Variants in DTL observed in about 807,000 individuals in gnomAD.
The protein encoded by DTL is denticleless protein homolog.
Under a neutral mutation model 87.0 loss-of-function variants are expected in DTL, and 46 were observed. The ratio of observed to expected loss-of-function variants is 0.53; its 90% confidence interval spans 0.42 to 0.68. The LOEUF is 0.68. Ranked by LOEUF, DTL falls within the 30% of genes least tolerant of loss-of-function variation. The probability of loss-of-function intolerance (pLI) is 0.00; values close to 1 mark genes in which losing one functional copy is unlikely to be tolerated. For synonymous variants in DTL, 308 were observed against 311.2 expected (o/e 0.99, Z 0.11); for missense variants, 737 against 869.4 (o/e 0.85, Z 1.91).
intron 9 of DTL, 62 bp from the exon 10 acceptor site, chr1:212,068,537 A>G (rs1654578305): frequency 1.8e-6 from 2 of 1,125,708 alleles, no homozygotes; most frequent in Non-Finnish European, 2.7e-6. Flanking sequence ...TTGTCTCTAC[A>G]TTTTAACCTC....
chr1:212,093,075 A>G (rs929704603), intron 13 of DTL, among the ~76,000 whole-genome samples: 7 of 151,952 alleles, frequency 4.6e-5, no homozygotes, highest in Non-Finnish European at 1.0e-4. Context: ...TCCTTAGCCC[A>G]CTTTTTGATG....
At chr1:212,090,165 ATTATCC>A (rs1403556578) in intron 13 of DTL, among the ~76,000 whole-genome samples, 1 of 152,222 alleles carries the variant, frequency 6.6e-6, no homozygotes, top group African/African-American at 2.4e-5. Context: ...TTTTTCAGTA[ATTATCC>A]TTATTAAAAG....
chr1:212,046,729 T>G (rs1482538850), intron 3 of DTL, among the ~76,000 whole-genome samples: 2 of 152,244 alleles, frequency 1.3e-5, no homozygotes, highest in African/African-American at 4.8e-5. Context: ...TTTGCCATTG[T>G]GAATAATGCT....
At chr1:212,093,451 G>T (rs1655346701) in intron 13 of DTL, among the ~76,000 whole-genome samples, 4 of 152,326 alleles carry the variant, frequency 2.6e-5, no homozygotes, top group Admixed American at 2.0e-4. Context: ...ATGTGGGCTT[G>T]GAGAATTTGA....
intron 14 of DTL, among the ~76,000 whole-genome samples, chr1:212,101,692 A>G (rs1168214097): frequency 2.0e-5 from 3 of 152,270 alleles, no homozygotes; most frequent in East Asian, 3.9e-4. Flanking sequence ...TTTGACACCT[A>G]TATCTATTCT....
chr1:212,058,568 A>C (rs760807601), intron 5 of DTL, among the ~76,000 whole-genome samples: 8 of 152,152 alleles, frequency 5.3e-5, no homozygotes, highest in Non-Finnish European at 1.0e-4. Flanking sequence ...AGGAAAGTTT[A>C]TAGCAATACA....
Position 212,080,492 on chromosome 1 carries a change from C to T in DTL, c.1126-123C>T, listed in dbSNP as rs937436092. On this transcript the variant is annotated intron_variant, in intron 12 of 14. Coordinates refer to ENST00000366991, the MANE Select transcript of DTL (RefSeq NM_016448.4). ...TACATGATCTTTAAGATATTATTTT[C>T]TATATCCTGTTTATTAGACAAAATA... is the stretch of plus-strand genomic sequence containing the variant. The T allele has an allele frequency of 3.5e-6, 3 of 864,788 alleles. No homozygotes were observed. The Admixed American group carries it at 7.3e-5, about 21-fold the overall frequency. 53.6% of individuals were successfully genotyped at this position (864,788 alleles called of 1,614,324 possible).
At chr1:212,079,521 A>G (rs1264308244) in intron 12 of DTL, among the ~76,000 whole-genome samples, 1 of 152,138 alleles carries the variant, frequency 6.6e-6, no homozygotes, top group Admixed American at 6.5e-5. Context: ...TGTGTTTTTA[A>G]TGTCTGGCAT....
chr1:212,096,370 A>T (rs940520456), intron 13 of DTL, among the ~76,000 whole-genome samples: 2 of 152,004 alleles, frequency 1.3e-5, no homozygotes, highest in African/African-American at 4.8e-5. Context: ...TTTCATTTTT[A>T]TTAAGTTCTA....
intron 5 of DTL, among the ~76,000 whole-genome samples, chr1:212,049,378 C>T (rs1667897590): frequency 6.6e-6 from 1 of 152,220 alleles, no homozygotes; most frequent in Admixed American, 6.5e-5. Context: ...GTTTTCTACA[C>T]TCTTGTGTCA....
chr1:212,088,764 G>A (rs1258412697), intron 13 of DTL, among the ~76,000 whole-genome samples: 5 of 152,200 alleles, frequency 3.3e-5, no homozygotes, highest in African/African-American at 1.2e-4. Flanking sequence ...GACTGAAAAG[G>A]CAGGCTGAGG....
intron 5 of DTL, 76 bp downstream of exon 5, chr1:212,047,493 A>G (rs928540589): frequency 1.3e-6 from 2 of 1,566,610 alleles, no homozygotes; most frequent in Non-Finnish European, 8.7e-7. Context: ...AATTGTTTCT[A>G]CCCTTTCCCC....
rs576056617 is a variant in DTL, at chr1:212,101,126, A to G, written c.2094+42A>G. Reference sequence around the variant, plus strand: ...GGGAAGATACATTTCCTAACTTAAAAGGGGCCAGACACCCAGATGTCTCAA... The same window carrying G: ...GGGAAGATACATTTCCTAACTTAAAGGGGGCCAGACACCCAGATGTCTCAA... On this transcript the variant is annotated intron_variant, in intron 14 of 14. Coordinates refer to ENST00000366991, the MANE Select transcript of DTL (RefSeq NM_016448.4). The G allele has an allele frequency of 6.5e-6, 9 of 1,393,886 alleles. No individual in the cohort carries two copies. The African/African-American group carries it at 7.3e-5, about 11-fold the overall frequency. 86.3% of individuals were successfully genotyped at this position (1,393,886 alleles called of 1,614,324 possible). A position where few individuals can be genotyped will look rare whatever the true frequency, so the allele number is the denominator to read the frequency against.
chr1:212,068,164 G>C, intron 8 of DTL, 60 bp from the exon 9 acceptor site: 1 of 1,064,930 alleles, frequency 9.4e-7, no homozygotes, highest in Non-Finnish European at 1.4e-6. Flanking sequence ...ATTTAGTGTA[G>C]TTGAAGTTGT....
At chr1:212,047,276 T>C (rs1417765617) in intron 4 of DTL, 21 bp from the exon 5 acceptor site, 1 of 1,614,222 alleles carries the variant, frequency 6.2e-7, no homozygotes, top group Non-Finnish European at 8.5e-7. Context: ...TATTAAATTG[T>C]GTTTACCTTA....
chr1:212,051,584 C>T (rs1667983112), intron 5 of DTL: 7 of 762,316 alleles, frequency 9.2e-6, no homozygotes, highest in South Asian at 8.4e-5. Context: ...CATTGGTTCT[C>T]ACAAAGTGTG....
chr1:212,037,014 AATT>A lies in DTL; in HGVS notation c.52+1075_52+1077del, dbSNP rs113429104. On this transcript the variant is annotated intron_variant, in intron 1 of 14. Coordinates refer to ENST00000366991, the MANE Select transcript of DTL (RefSeq NM_016448.4). ...TATTTCCCTCTTAGATAATCTTTGTAATTATACTTAAATGCTCCTCTTTCTGTC... is the reference window on the plus strand; with the variant it reads ...TATTTCCCTCTTAGATAATCTTTGTAATACTTAAATGCTCCTCTTTCTGTC... Among the ~76,000 whole-genome samples, 16 of 152,338 alleles carry A rather than the reference AATT, an allele frequency of 1.1e-4. 1 individual carries two copies. The highest frequency in any genetic ancestry group is 3.8e-4 in the African/African-American group (16 of 41,576).
intron 5 of DTL, among the ~76,000 whole-genome samples, chr1:212,057,302 C>G (rs1360482375): frequency 6.6e-6 from 1 of 151,410 alleles, no homozygotes; most frequent in African/African-American, 2.4e-5. Context: ...CAGCAGATTT[C>G]TCAGCAGAAA....
At chr1:212,044,949 G>C (rs953704917) in intron 3 of DTL, among the ~76,000 whole-genome samples, 191 bp downstream of exon 3, 1 of 152,184 alleles carries the variant, frequency 6.6e-6, no homozygotes, top group African/African-American at 2.4e-5. Context: ...TAGACATCTG[G>C]TGAAGGCCTC....
Sources: gnomAD v4.1 joint callset for allele counts (sites outside exome capture counted in the v4.1 genomes callset) on GRCh38, gnomAD v4.1.1 for gene constraint, MANE v1.5 for transcripts, NCBI Gene and HGNC (gene_info 2026-07-23, HGNC 2026-07-21) for gene names.